The following SOAT1 variants were observed in gnomAD, a reference collection of about 807,000 sequenced individuals.
SOAT1 encodes acyl-coenzyme A:cholesterol acyltransferase 1.
Under a neutral mutation model 69.5 loss-of-function variants are expected in SOAT1, and 55 were observed. The ratio of observed to expected loss-of-function variants is 0.79; its 90% CI spans 0.64 to 0.99. The LOEUF (loss-of-function observed/expected upper bound fraction) is 0.99. Among genes scored for constraint, SOAT1 ranks in the 50% least tolerant of loss-of-function variants. The probability of loss-of-function intolerance (pLI) is 0.00; values close to 1 mark genes in which losing one functional copy is unlikely to be tolerated. For missense variants in SOAT1, 580 were observed against 669.3 expected (o/e 0.87, Z 1.47); for synonymous variants, 231 against 224.7 (o/e 1.03, Z -0.25).
At chr1:179,307,776 T>C (rs924434537) in intron 2 of SOAT1, among the ~76,000 whole-genome samples, 2 of 152,154 alleles carry the variant, frequency 1.3e-5, no homozygotes, top group African/African-American at 4.8e-5. Flanking sequence ...TAGCACTGTG[T>C]TCATCAAGGT....
chr1:179,328,121 AC>A (rs1665850388), intron 3 of SOAT1, among the ~76,000 whole-genome samples: 1 of 152,180 alleles, frequency 6.6e-6, no homozygotes, highest in East Asian at 1.9e-4. Flanking sequence ...TTTAACAGAA[AC>A]AAGGTCTCAC....
intron 2 of SOAT1, among the ~76,000 whole-genome samples, chr1:179,314,614 G>A (rs1027637793): frequency 6.6e-6 from 1 of 152,040 alleles, no homozygotes; most frequent in Non-Finnish European, 1.5e-5. Context: ...TAGAGAATGG[G>A]GGGGTCTCAC....
intron 1 of SOAT1, among the ~76,000 whole-genome samples, chr1:179,298,173 C>G (rs917795893): frequency 6.6e-6 from 1 of 151,658 alleles, no homozygotes; most frequent in Admixed American, 6.6e-5. Flanking sequence ...CAACCTCCAC[C>G]TCCGGGTTCA....
At chr1:179,327,270 A>T (rs540406732) in intron 3 of SOAT1, among the ~76,000 whole-genome samples, 1 of 152,284 alleles carries the variant, frequency 6.6e-6, no homozygotes, top group East Asian at 1.9e-4. Flanking sequence ...GTTTTTACAA[A>T]TAATTTTTTT....
chr1:179,335,157 A>C (rs1382950205), intron 3 of SOAT1, among the ~76,000 whole-genome samples: 3 of 152,058 alleles, frequency 2.0e-5, no homozygotes, highest in Non-Finnish European at 4.4e-5. Flanking sequence ...TGAGCCCTAG[A>C]GTTCAGCTTG....
chr1:179,327,573 G>A (rs1665834636), intron 3 of SOAT1, among the ~76,000 whole-genome samples: 2 of 152,166 alleles, frequency 1.3e-5, no homozygotes, highest in South Asian at 4.1e-4. Context: ...TTGAATTTCT[G>A]ATAAACAATG....
intron 1 of SOAT1, among the ~76,000 whole-genome samples, chr1:179,296,230 A>G (rs1056738885): frequency 1.3e-5 from 2 of 152,036 alleles, no homozygotes; most frequent in African/African-American, 2.4e-5. Flanking sequence ...CGGCCTCCCA[A>G]AGAGGTGGGA....
chr1:179,299,318 A>G (rs1055938780), intron 1 of SOAT1, among the ~76,000 whole-genome samples: 1 of 152,232 alleles, frequency 6.6e-6, no homozygotes, highest in Non-Finnish European at 1.5e-5. Context: ...AAATGAGGAT[A>G]ATACTTATCT....
chr1:179,320,463 A>G (rs960347841), intron 2 of SOAT1, among the ~76,000 whole-genome samples: 29 of 151,268 alleles, frequency 1.9e-4, no homozygotes, highest in Non-Finnish European at 4.3e-4. Flanking sequence ...CATGATTTGT[A>G]TGGCTATTCT....
rs1056406990 is a variant in SOAT1 at position 179,294,981 on chromosome 1, A to T, written c.-9+1045A>T. On this transcript the variant is annotated intron_variant, in intron 1 of 15. Transcript: ENST00000367619. ...TTTAAAAGTTGGGCGGTGTCAGTGA[A>T]TGACTTGTTAAGGAAGTCTGTGCGT... 3.3e-5 allele frequency among the ~76,000 whole-genome samples: 5 copies of T among 151,828 alleles called. No homozygotes were observed. The East Asian group carries it at 7.7e-4, about 23-fold the overall frequency.
At chr1:179,296,513 T>C (rs1441259906) in intron 1 of SOAT1, among the ~76,000 whole-genome samples, 4 of 152,226 alleles carry the variant, frequency 2.6e-5, no homozygotes, top group Non-Finnish European at 4.4e-5. Context: ...CCACATTGGT[T>C]AATAAGAGAT....
At chr1:179,311,750 C>A (rs1665229334) in intron 2 of SOAT1, among the ~76,000 whole-genome samples, 2 of 152,042 alleles carry the variant, frequency 1.3e-5, no homozygotes, top group African/African-American at 4.8e-5. Context: ...TATATAATAA[C>A]TTGATAAGTG....
intron 4 of SOAT1, among the ~76,000 whole-genome samples, chr1:179,336,357 C>T (rs1430455849): frequency 6.8e-6 from 1 of 146,330 alleles, no homozygotes; most frequent in Non-Finnish European, 1.5e-5. Flanking sequence ...GCCTGTCGTC[C>T]CAGCTGCTCA....
At chr1:179,338,726 A>G (rs1414850608) in intron 5 of SOAT1, among the ~76,000 whole-genome samples, 6 of 152,172 alleles carry the variant, frequency 3.9e-5, no homozygotes, top group African/African-American at 1.4e-4. Context: ...GAATTTATAC[A>G]TGAAAAATAA....
chr1:179,340,820 G>GATATATAT (rs67855683), intron 6 of SOAT1, among the ~76,000 whole-genome samples: 93 of 147,310 alleles, frequency 6.3e-4, no homozygotes, highest in African/African-American at 1.1e-3. Flanking sequence ...ATATATTGTT[G>GATATATAT]ATATATATAT....
At position 179,335,622 on chromosome 1, in the gene SOAT1, T is replaced by G; in HGVS notation, c.294T>G (p.Ser98=). ...DNGGCALTTF[S]VLEGEKNNHR... is the part of the protein sequence containing the mutation. The stretch of plus-strand genomic sequence containing the variant: ...GTGGGTGCGCTCTCACAACCTTTTC[T>G]GTTCTTGAAGGAGAGAAAAACAACC... The change falls in exon 4 of 16, where the codon TCT becomes TCG. Residue 98 remains serine (S), a synonymous_variant. Coordinates refer to ENST00000367619, the MANE Select transcript of SOAT1 (RefSeq NM_003101.6). 1 of 1,613,702 alleles carries G rather than the reference T, an allele frequency of 6.2e-7. No homozygotes were observed. The highest frequency in any genetic ancestry group is 8.5e-7 in the Non-Finnish European group (1 of 1,179,770).
At chr1:179,309,682 T>C (rs1665153267) in intron 2 of SOAT1, among the ~76,000 whole-genome samples, 1 of 152,120 alleles carries the variant, frequency 6.6e-6, no homozygotes, top group Non-Finnish European at 1.5e-5. Context: ...CTTTGCTCAC[T>C]TTTATTCCTT....
At chr1:179,316,975 A>G (rs1215547973) in intron 2 of SOAT1, among the ~76,000 whole-genome samples, 1 of 152,210 alleles carries the variant, frequency 6.6e-6, no homozygotes, top group African/African-American at 2.4e-5. Context: ...TGACAGAGAA[A>G]AATGTTTACA....
At chr1:179,296,195 C>T (rs1301286367) in intron 1 of SOAT1, among the ~76,000 whole-genome samples, 1 of 152,044 alleles carries the variant, frequency 6.6e-6, no homozygotes, top group Non-Finnish European at 1.5e-5. Context: ...TCTCAAACTC[C>T]TGATCTCAGA....
Sources: gnomAD v4.1 joint callset for allele counts (sites outside exome capture counted in the v4.1 genomes callset) on GRCh38, gnomAD v4.1.1 for gene constraint, MANE v1.5 for transcripts, NCBI Gene and HGNC (gene_info 2026-07-23, HGNC 2026-07-21) for gene names.